NBEA: variants seen among roughly 807,000 people sequenced by gnomAD.
NBEA encodes the protein neurobeachin.
Under a neutral mutation model 343.4 loss-of-function variants are expected in NBEA, and 44 were observed. The ratio of observed to expected loss-of-function variants is 0.13; its 90% CI spans 0.10 to 0.16. The LOEUF (loss-of-function observed/expected upper bound fraction) is 0.16, where lower values mean the gene tolerates loss of function less well. Ranked by LOEUF, NBEA falls within the 10% of genes least tolerant of loss-of-function variation. The pLI, the probability that NBEA is intolerant of heterozygous loss-of-function variation, is 1.00. For missense variants in NBEA, 2,555 were observed against 3,631.3 expected (o/e 0.70, Z 7.62); for synonymous variants, 1,175 against 1,238.7 (o/e 0.95, Z 1.08).
intron 30 of NBEA, among the ~76,000 whole-genome samples, chr13:35,190,835 T>A (rs528021394): frequency 6.6e-6 from 1 of 152,224 alleles, no homozygotes; most frequent in South Asian, 2.1e-4. Context: ...AGACGGACAC[T>A]TTAAACCAGC....
chr13:35,190,797 C>G (rs530182114), intron 30 of NBEA, among the ~76,000 whole-genome samples: 1 of 152,218 alleles, frequency 6.6e-6, no homozygotes, highest in Non-Finnish European at 1.5e-5. Flanking sequence ...TAAAATGCCC[C>G]TGAGGAAGCC....
At chr13:35,622,394 C>A (rs1329870774) in intron 48 of NBEA, among the ~76,000 whole-genome samples, 1 of 152,054 alleles carries the variant, frequency 6.6e-6, no homozygotes, top group Non-Finnish European at 1.5e-5. Context: ...ACAAGTCTGT[C>A]CCACAAGCAG....
chr13:35,660,556 G>GCA, intron 55 of NBEA, among the ~76,000 whole-genome samples: 1 of 152,276 alleles, frequency 6.6e-6, no homozygotes, highest in African/African-American at 2.4e-5. Flanking sequence ...CTCCAGCTGT[G>GCA]CACACACACC....
chr13:35,595,341 C>CT (rs887906327), intron 47 of NBEA, among the ~76,000 whole-genome samples: 17 of 151,278 alleles, frequency 1.1e-4, no homozygotes, highest in East Asian at 9.8e-4. Flanking sequence ...AAACATGCAG[C>CT]TTTTTTTTTC....
At chr13:35,291,285 C>T (rs890888125) in intron 35 of NBEA, among the ~76,000 whole-genome samples, 4 of 151,802 alleles carry the variant, frequency 2.6e-5, no homozygotes, top group African/African-American at 4.8e-5. Flanking sequence ...AATTACTGGC[C>T]TGAGGTTTGC....
At chr13:35,008,347 C>T (rs1360772046) in intron 1 of NBEA, among the ~76,000 whole-genome samples, 1 of 152,140 alleles carries the variant, frequency 6.6e-6, no homozygotes, top group Non-Finnish European at 1.5e-5. Context: ...AGGAAAATGG[C>T]TTAATATTTA....
chr13:35,461,687 G>C (rs1463392318), intron 40 of NBEA, among the ~76,000 whole-genome samples: 1 of 152,174 alleles, frequency 6.6e-6, no homozygotes, highest in Non-Finnish European at 1.5e-5. Context: ...CCATACCTAA[G>C]AGTGTCCTGG....
At chr13:35,619,751 A>G (rs1476448962) in intron 48 of NBEA, among the ~76,000 whole-genome samples, 1 of 152,180 alleles carries the variant, frequency 6.6e-6, no homozygotes, top group African/African-American at 2.4e-5. Flanking sequence ...GGTGCAGCTT[A>G]CCGCACACCA....
chr13:35,400,369 T>C (rs2042949058), intron 38 of NBEA, among the ~76,000 whole-genome samples: 1 of 151,980 alleles, frequency 6.6e-6, no homozygotes, highest in South Asian at 2.1e-4. Context: ...ATAGAACTAT[T>C]GTAAGAATTA....
rs36109768 is a variant in NBEA, at chr13:35,369,156, A to ATTTT, written c.6179+16848_6179+16851dup. Among the ~76,000 whole-genome samples the ATTTT allele has an allele frequency of 2.8e-3, 360 of 128,272 alleles. 7 individuals carry two copies. Among genetic ancestry groups the ATTTT allele is most frequent in the African/African-American group, 9.8e-3 (331 of 33,942 alleles). The allele number at this position is 128,272 out of a possible 152,430, so 84.2% of individuals were successfully genotyped here. On this transcript the variant is annotated intron_variant, in intron 38 of 58. Transcript: ENST00000379939. ...ATGGATATTCTGTTGTGCCAGCACC[A>ATTTT]TTTTTTTTTTTTTTTTTTGAAGAGA... is the stretch of plus-strand genomic sequence containing the variant.
chr13:35,256,995 C>G (rs1231975724), intron 34 of NBEA, among the ~76,000 whole-genome samples: 2 of 152,232 alleles, frequency 1.3e-5, no homozygotes, highest in East Asian at 3.9e-4. Flanking sequence ...TTCCAGCCCC[C>G]ACCTAGTCCA....
intron 41 of NBEA, among the ~76,000 whole-genome samples, chr13:35,480,050 C>A (rs1426925996): frequency 1.1e-5 from 1 of 91,094 alleles, no homozygotes; most frequent in African/African-American, 3.6e-5. Flanking sequence ...TTAAAATGTA[C>A]CAGTTAGGAA....
intron 26 of NBEA, among the ~76,000 whole-genome samples, chr13:35,172,533 A>G (rs899875091): frequency 6.6e-6 from 1 of 152,034 alleles, no homozygotes; most frequent in Non-Finnish European, 1.5e-5. Context: ...TTATTTTTAA[A>G]TATAGTCCAA....
intron 41 of NBEA, among the ~76,000 whole-genome samples, chr13:35,511,127 A>G (rs2077257418): frequency 6.6e-6 from 1 of 152,206 alleles, no homozygotes. Flanking sequence ...AATCCCAAGT[A>G]AAAACTCAAA....
chr13:35,398,283 A>G (rs2042837635), intron 38 of NBEA, among the ~76,000 whole-genome samples: 2 of 152,154 alleles, frequency 1.3e-5, no homozygotes, highest in Non-Finnish European at 2.9e-5. Flanking sequence ...CCTGAAAGTC[A>G]TCCATGAAGG....
intron 10 of NBEA, among the ~76,000 whole-genome samples, chr13:35,079,386 A>T (rs2064270511): frequency 6.6e-6 from 1 of 152,200 alleles, no homozygotes; most frequent in Admixed American, 6.5e-5. Flanking sequence ...ATAGAACCAT[A>T]AAGCAACTGT....
At chr13:35,194,687 A>G (rs944310887) in intron 30 of NBEA, among the ~76,000 whole-genome samples, 1 of 152,148 alleles carries the variant, frequency 6.6e-6, no homozygotes, top group African/African-American at 2.4e-5. Flanking sequence ...CATTATACTT[A>G]GATGAGATAC....
intron 58 of NBEA, among the ~76,000 whole-genome samples, chr13:35,670,267 A>G (rs765854496): frequency 5.3e-5 from 8 of 152,156 alleles, no homozygotes; most frequent in Non-Finnish European, 8.8e-5. Context: ...ACAGCTGATC[A>G]GTTAGGAGGG....
At chr13:35,192,195 A>G (rs2094996180) in intron 30 of NBEA, among the ~76,000 whole-genome samples, 2 of 152,030 alleles carry the variant, frequency 1.3e-5, no homozygotes, top group African/African-American at 4.8e-5. Context: ...TCTGCAGTTC[A>G]TGCCTAACTT....
Sources: allele counts gnomAD v4.1 joint callset (sites outside exome capture counted in the v4.1 genomes callset), GRCh38; gene constraint gnomAD v4.1.1; transcripts MANE v1.5; gene names NCBI Gene and HGNC (gene_info 2026-07-23, HGNC 2026-07-21).